The following MTUS1 variants were observed in gnomAD, a reference collection of about 807,000 sequenced individuals.
The protein encoded by MTUS1 is microtubule-associated tumor suppressor 1.
Under a neutral mutation model 120.8 loss-of-function variants are expected in MTUS1, and 109 were observed. That is an observed-to-expected ratio of 0.90 (90% CI 0.77 to 1.06). The LOEUF (loss-of-function observed/expected upper bound fraction) is 1.06. Among genes scored for constraint, MTUS1 ranks in the 50% least tolerant of loss-of-function variants. The probability of loss-of-function intolerance (pLI) is 0.00; values close to 1 mark genes in which losing one functional copy is unlikely to be tolerated. For missense variants in MTUS1, 2,210 were observed against 1,486.3 expected (o/e 1.49, Z -8.01); for synonymous variants, 737 against 550.5 (o/e 1.34, Z -4.74).
At chr8:17,756,064 A>G (rs2048585082) in intron 1 of MTUS1, 103 bp from the exon 2 acceptor site, 2 of 545,772 alleles carry the variant, frequency 3.7e-6, no homozygotes, top group East Asian at 4.3e-5. Flanking sequence ...CTTTATGTTC[A>G]CATTTAGACC....
intron 9 of MTUS1, among the ~76,000 whole-genome samples, chr8:17,655,358 A>C (rs1425468446): frequency 6.6e-6 from 1 of 151,542 alleles, no homozygotes; most frequent in African/African-American, 2.4e-5. Flanking sequence ...ACAAGGGATT[A>C]TTTCTGGGTA....
intron 2 of MTUS1, among the ~76,000 whole-genome samples, chr8:17,746,305 C>A (rs1388466916): frequency 6.6e-6 from 1 of 152,148 alleles, no homozygotes; most frequent in Non-Finnish European, 1.5e-5. Flanking sequence ...TTCCCATATA[C>A]CTAACTTCTT....
intron 1 of MTUS1, among the ~76,000 whole-genome samples, chr8:17,757,121 A>C (rs766219597): frequency 6.6e-5 from 10 of 152,220 alleles, no homozygotes; most frequent in Admixed American, 2.0e-4. Context: ...AGCACTATTC[A>C]TAATAGTCAT....
intron 1 of MTUS1, among the ~76,000 whole-genome samples, chr8:17,773,561 G>A (rs2050174635): frequency 6.6e-6 from 1 of 152,144 alleles, no homozygotes; most frequent in South Asian, 2.1e-4. Flanking sequence ...CAAAACTGGT[G>A]TCTGGTAAGG....
intron 2 of MTUS1, among the ~76,000 whole-genome samples, chr8:17,751,602 G>A (rs1249521656): frequency 6.6e-6 from 1 of 152,084 alleles, no homozygotes; most frequent in South Asian, 2.1e-4. Flanking sequence ...GCTCACGCCT[G>A]TATTCCCAGC....
chr8:17,687,332 G>A (rs933105564), intron 6 of MTUS1, among the ~76,000 whole-genome samples: 1 of 152,102 alleles, frequency 6.6e-6, no homozygotes. Flanking sequence ...GAAGATCAGA[G>A]ATGATGCAAA....
At chr8:17,749,854 T>G (rs991095127) in intron 2 of MTUS1, among the ~76,000 whole-genome samples, 1 of 152,130 alleles carries the variant, frequency 6.6e-6, no homozygotes, top group African/African-American at 2.4e-5. Flanking sequence ...TAGGCCCATC[T>G]TCTCAGGATC....
intron 8 of MTUS1, among the ~76,000 whole-genome samples, chr8:17,672,420 T>C (rs778620032): frequency 6.6e-5 from 10 of 152,158 alleles, no homozygotes; most frequent in Admixed American, 6.5e-4. Flanking sequence ...GTCACTCAGT[T>C]ACCACAAATG....
At chr8:17,661,566 T>G (rs1424332155) in intron 8 of MTUS1, among the ~76,000 whole-genome samples, 1 of 151,968 alleles carries the variant, frequency 6.6e-6, no homozygotes, top group African/African-American at 2.4e-5. Flanking sequence ...TTGTGGCACA[T>G]CAGCCTTTAA....
chr8:17,724,043 A>T, intron 3 of MTUS1: 1 of 568,962 alleles, frequency 1.8e-6, no homozygotes, highest in Non-Finnish European at 3.1e-6. Flanking sequence ...AGAAATGATG[A>T]GGCAATTAGG....
intron 1 of MTUS1, among the ~76,000 whole-genome samples, chr8:17,764,210 C>A (rs1317437974): frequency 6.6e-6 from 1 of 152,020 alleles, no homozygotes; most frequent in South Asian, 2.1e-4. Context: ...ATGTTACAGG[C>A]CTGTGCTTGT....
chr8:17,752,557 A>G (rs1014301209), intron 2 of MTUS1, among the ~76,000 whole-genome samples: 7 of 152,210 alleles, frequency 4.6e-5, no homozygotes, highest in African/African-American at 1.7e-4. Flanking sequence ...GTCTAAACTG[A>G]TGTTTTAGAG....
intron 6 of MTUS1, among the ~76,000 whole-genome samples, chr8:17,691,613 C>T (rs1585726075): frequency 6.6e-6 from 1 of 152,194 alleles, no homozygotes; most frequent in Non-Finnish European, 1.5e-5. Context: ...GACTACATCT[C>T]TCGTTCTTCT....
At chr8:17,792,875 A>C (rs1464603639) in intron 1 of MTUS1, among the ~76,000 whole-genome samples, 2 of 152,216 alleles carry the variant, frequency 1.3e-5, no homozygotes, top group Non-Finnish European at 2.9e-5. Flanking sequence ...AAAAATCTGA[A>C]AGCAAAACAA....
chr8:17,760,056 CTTTTT>C (rs58249092), intron 1 of MTUS1, among the ~76,000 whole-genome samples: 1 of 95,476 alleles, frequency 1.0e-5, no homozygotes, highest in Non-Finnish European at 2.3e-5. Context: ...GATTTCTTTT[CTTTTT>C]TTTTTTTTTT....
intron 9 of MTUS1, 79 bp from the exon 10 acceptor site, chr8:17,654,745 G>A: frequency 2.1e-6 from 2 of 966,436 alleles, no homozygotes; most frequent in Non-Finnish European, 3.3e-6. Flanking sequence ...ACCACATTAG[G>A]AGACGTCACA....
intron 8 of MTUS1, among the ~76,000 whole-genome samples, chr8:17,661,844 G>C (rs954526831): frequency 1.3e-5 from 2 of 152,198 alleles, no homozygotes; most frequent in Non-Finnish European, 2.9e-5. Flanking sequence ...CCTTTGCTCT[G>C]TTTACTGGCC....
At chr8:17,761,624 T>C (rs1468281204) in intron 1 of MTUS1, among the ~76,000 whole-genome samples, 2 of 152,238 alleles carry the variant, frequency 1.3e-5, no homozygotes, top group Admixed American at 1.3e-4. Flanking sequence ...TTGGACCTAA[T>C]ATAGTTAACC....
intron 3 of MTUS1, 92 bp from the exon 4 acceptor site, chr8:17,723,925 C>CAACAAAGT: frequency 2.0e-6 from 2 of 1,000,662 alleles, no homozygotes; most frequent in Non-Finnish European, 2.9e-6. Context: ...TCTGCACTAA[C>CAACAAAGT]AACAAAGTCA....
Sources: allele counts gnomAD v4.1 joint callset (sites outside exome capture counted in the v4.1 genomes callset), GRCh38; gene constraint gnomAD v4.1.1; transcripts MANE v1.5; gene names NCBI Gene and HGNC (gene_info 2026-07-23, HGNC 2026-07-21).